Variants in GTF2I observed in about 807,000 individuals in gnomAD.
GTF2I encodes the protein general transcription factor IIi.
In GTF2I, 12 loss-of-function variants were observed where a neutral mutation model predicts 67.6. The observed-to-expected ratio is 0.18, with a 90% CI of 0.11 to 0.29. GTF2I has a LOEUF of 0.29. GTF2I is among the 10% of genes least tolerant of loss of function. The probability of loss-of-function intolerance (pLI) is 1.00; values close to 1 mark genes in which losing one functional copy is unlikely to be tolerated. For missense variants in GTF2I, 271 were observed against 580.1 expected, an observed-to-expected ratio of 0.47 and a Z score of 5.47; for synonymous variants, 149 against 197.0, an observed-to-expected ratio of 0.76 and a Z score of 2.04.
At chr7:74,707,528 T>C (rs750772357) in intron 8 of GTF2I, among the ~76,000 whole-genome samples, 1 of 152,248 alleles carries the variant, frequency 6.6e-6, no homozygotes, top group Non-Finnish European at 1.5e-5. Context: ...TGCATGTGAA[T>C]GAGAGCTTTT....
chr7:74,691,118 A>G lies in GTF2I; in HGVS notation c.238+7A>G. 6.4e-7 allele frequency: 1 copy of G among 1,574,678 alleles called. No individual in the cohort carries two copies. Among genetic ancestry groups the G allele is most frequent in the Non-Finnish European group, 8.7e-7 (1 of 1,148,588 alleles). The stretch of plus-strand genomic sequence containing the variant: ...AAAGATTTTGTAAAATATTGTAAGC[A>G]TTGTATTTTTATCTTTTGCATTTCA... On this transcript the variant is annotated splice_region_variant and intron_variant, in intron 3 of 34. Coordinates refer to ENST00000573035, the MANE Select transcript of GTF2I (RefSeq NM_032999.4).
At chr7:74,674,342 A>G (rs587742690) in intron 1 of GTF2I, among the ~76,000 whole-genome samples, 2 of 152,270 alleles carry the variant, frequency 1.3e-5, no homozygotes, top group East Asian at 3.9e-4. Context: ...TTGGGATTTC[A>G]GAGGTGAGCC....
At chr7:74,713,451 C>T (rs1554402981) in intron 9 of GTF2I, among the ~76,000 whole-genome samples, 1 of 152,150 alleles carries the variant, frequency 6.6e-6, no homozygotes, top group Non-Finnish European at 1.5e-5. Context: ...AATATTTTCA[C>T]TACAGTTAAT....
chr7:74,678,025 C>A (rs1806062259), intron 1 of GTF2I, among the ~76,000 whole-genome samples: 2 of 151,878 alleles, frequency 1.3e-5, no homozygotes, highest in Admixed American at 6.6e-5. Flanking sequence ...CGGAAAATTT[C>A]TCTGGTAAAA....
intron 1 of GTF2I, among the ~76,000 whole-genome samples, chr7:74,662,365 C>A (rs1395336473): frequency 6.6e-6 from 1 of 151,502 alleles, no homozygotes; most frequent in Non-Finnish European, 1.5e-5. Context: ...CATGCGCCAC[C>A]ATGCCTGGCT....
At chr7:74,692,981 C>T (rs782081219) in intron 3 of GTF2I, among the ~76,000 whole-genome samples, 1 of 152,046 alleles carries the variant, frequency 6.6e-6, no homozygotes, top group Non-Finnish European at 1.5e-5. Flanking sequence ...AGGCTGGTCT[C>T]GTACTCCTGA....
intron 1 of GTF2I, among the ~76,000 whole-genome samples, chr7:74,676,704 GATTTTA>G (rs1554392490): frequency 6.6e-6 from 1 of 152,106 alleles, no homozygotes; most frequent in East Asian, 1.9e-4. Flanking sequence ...CTGAAAAACA[GATTTTA>G]GTTTTGGCTT....
At chr7:74,672,107 A>G in intron 1 of GTF2I, among the ~76,000 whole-genome samples, 1 of 152,198 alleles carries the variant, frequency 6.6e-6, no homozygotes, top group African/African-American at 2.4e-5. Context: ...ATATATTCAT[A>G]TATATATGAG....
intron 1 of GTF2I, among the ~76,000 whole-genome samples, chr7:74,687,711 C>T (rs1554395859): frequency 6.6e-6 from 1 of 152,182 alleles, no homozygotes; most frequent in East Asian, 1.9e-4. Flanking sequence ...TTAGGCATAA[C>T]AGTTTTCTGC....
At chr7:74,714,820 G>A (rs782734566) in intron 9 of GTF2I, 37 bp from the exon 10 acceptor site, 2 of 1,443,824 alleles carry the variant, frequency 1.4e-6, no homozygotes, top group Admixed American at 4.0e-5. Flanking sequence ...TTTTTTGGGG[G>A]GGATTACTTT....
At chr7:74,715,573 T>A (rs1192629560) in intron 10 of GTF2I, among the ~76,000 whole-genome samples, 1 of 152,110 alleles carries the variant, frequency 6.6e-6, no homozygotes, top group Admixed American at 6.5e-5. Flanking sequence ...ATCATTTCAC[T>A]CTCATTCCTT....
chr7:74,692,446 C>A (rs1189275361), intron 3 of GTF2I, among the ~76,000 whole-genome samples: 4 of 152,178 alleles, frequency 2.6e-5, no homozygotes, highest in Non-Finnish European at 5.9e-5. Flanking sequence ...AAGCATATTG[C>A]AAAATTAAAC....
chr7:74,721,277 G>A (rs1163981629), intron 12 of GTF2I, among the ~76,000 whole-genome samples: 1 of 152,172 alleles, frequency 6.6e-6, no homozygotes, highest in African/African-American at 2.4e-5. Flanking sequence ...CTGACCTCAG[G>A]TGATCTGCCC....
intron 3 of GTF2I, among the ~76,000 whole-genome samples, chr7:74,696,967 CAT>C (rs1257164410): frequency 6.6e-6 from 1 of 152,130 alleles, no homozygotes; most frequent in Non-Finnish European, 1.5e-5. Context: ...AAAAAAGTAT[CAT>C]GTGAGTCTCT....
chr7:74,705,315 G>A, intron 7 of GTF2I, 97 bp downstream of exon 7: 2 of 756,900 alleles, frequency 2.6e-6, no homozygotes, highest in South Asian at 1.5e-5. Flanking sequence ...AAGGCCTCAT[G>A]TCACACATCT....
intron 1 of GTF2I, among the ~76,000 whole-genome samples, chr7:74,685,911 C>G (rs6972591): frequency 0.79 from 119,925 of 151,760 alleles, 47,505 homozygotes; most frequent in East Asian, 0.94. Flanking sequence ...AAATTAGCTG[C>G]GCGTGGTGGC....
chr7:74,733,091 C>T (rs1211826806), intron 15 of GTF2I, among the ~76,000 whole-genome samples: 8 of 131,466 alleles, frequency 6.1e-5, no homozygotes, highest in African/African-American at 2.3e-4. Context: ...CTCAGACTCC[C>T]GAGTAGCTGA....
chr7:74,674,813 C>T (rs1374502709), intron 1 of GTF2I, among the ~76,000 whole-genome samples: 1 of 151,538 alleles, frequency 6.6e-6, no homozygotes, highest in Admixed American at 6.6e-5. Context: ...TCCCAAAGTG[C>T]TGGGATGATG....
At chr7:74,722,795 T>C (rs1793199074) in intron 12 of GTF2I, 1 of 152,164 alleles carries the variant, frequency 6.6e-6, no homozygotes, top group African/African-American at 2.4e-5. Flanking sequence ...ATCTCTGTAA[T>C]TGAGGAGGTT....
Sources: allele counts gnomAD v4.1 joint callset (sites outside exome capture counted in the v4.1 genomes callset), GRCh38; gene constraint gnomAD v4.1.1; transcripts MANE v1.5; gene names NCBI Gene and HGNC (gene_info 2026-07-23, HGNC 2026-07-21).